Variants in SERPINF1 observed in about 807,000 individuals in gnomAD.
SERPINF1 encodes the protein serpin family F member 1.
Under a neutral mutation model 37.3 loss-of-function variants are expected in SERPINF1, and 29 were observed. That is an observed-to-expected ratio of 0.78 (90% CI 0.58 to 1.06). SERPINF1 has a LOEUF of 1.06. Among genes scored for constraint, SERPINF1 ranks in the 50% least tolerant of loss-of-function variants. The pLI is 0.00. For missense variants in SERPINF1, 553 were observed against 532.2 expected (o/e 1.04, Z -0.38); for synonymous variants, 281 against 227.9 (o/e 1.23, Z -2.10).
At chr17:1,772,627 C>T (rs1043009053) in intron 5 of SERPINF1, among the ~76,000 whole-genome samples, 2 of 150,918 alleles carry the variant, frequency 1.3e-5, no homozygotes, top group Non-Finnish European at 2.9e-5. Context: ...GGCGCGATCT[C>T]GGCTCACTGC....
At chr17:1,767,873 A>G (rs1231243487) in intron 2 of SERPINF1, among the ~76,000 whole-genome samples, 1 of 152,018 alleles carries the variant, frequency 6.6e-6, no homozygotes, top group East Asian at 1.9e-4. Flanking sequence ...CATCTACCAA[A>G]CACCTACTCG....
At position 1,771,916 on chromosome 17, in the gene SERPINF1, T is replaced by C. The variant is rs1266103725; in HGVS notation, c.484T>C (p.Tyr162His). 1.2e-6 allele frequency: 2 copies of C among 1,613,816 alleles called. No homozygotes were observed. The highest frequency in any genetic ancestry group is 1.7e-6 in the Non-Finnish European group (2 of 1,180,022). The change falls in exon 5 of 8, where the codon TAT (tyrosine) becomes CAT (histidine). Residue 162 changes from tyrosine to histidine, a missense_variant. Coordinates refer to ENST00000254722, the MANE Select transcript of SERPINF1 (RefSeq NM_002615.7). ...SSFVAPLEKS[Y>H]GTRPRVLTGN... ...CTTTGTGGCACCTCTGGAAAAGTCA[T>C]ATGGGACCAGGCCCAGAGTCCTGAC...
intron 3 of SERPINF1, among the ~76,000 whole-genome samples, 157 bp downstream of exon 3, chr17:1,770,207 CAG>C (rs1315591035): frequency 1.3e-5 from 2 of 152,192 alleles, no homozygotes; most frequent in African/African-American, 4.8e-5. Context: ...AGCAGGAGCT[CAG>C]GGGCTGCACA....
At position 1,775,185 on chromosome 17, in the gene SERPINF1, A is replaced by G; in HGVS notation, c.771A>G (p.Ser257=). The G allele has an allele frequency of 6.2e-7, 1 of 1,608,252 alleles. No individual in the cohort carries two copies. The highest frequency in any genetic ancestry group is 8.5e-7 in the Non-Finnish European group (1 of 1,176,096). Reference sequence around the variant, plus strand: ...CTGTTTTACGCTATGGCTTGGATTCAGATCTCAGCTGCAAGGTCTGTAGGG... The same window carrying G: ...CTGTTTTACGCTATGGCTTGGATTCGGATCTCAGCTGCAAGGTCTGTAGGG... ...PKAVLRYGLD[S]DLSCKIAQLP... The change falls in exon 6 of 8, where the codon TCA becomes TCG. Residue 257 remains serine, a synonymous_variant. Coordinates refer to ENST00000254722, the MANE Select transcript of SERPINF1 (RefSeq NM_002615.7).
chr17:1,769,528 G>T, intron 2 of SERPINF1: 1 of 435,798 alleles, frequency 2.3e-6, no homozygotes, highest in Non-Finnish European at 4.3e-6. Context: ...GGAGGCTAAG[G>T]CAGGAAAATC....
intron 4 of SERPINF1, 41 bp from the exon 5 acceptor site, chr17:1,771,831 G>C: frequency 6.3e-7 from 1 of 1,589,268 alleles, no homozygotes; most frequent in Non-Finnish European, 8.6e-7. Flanking sequence ...GATGCTTGTC[G>C]TCGAGTCTCA....
At chr17:1,767,825 CCCATTCTACAGGG>C (rs1255572288) in intron 2 of SERPINF1, among the ~76,000 whole-genome samples, 2 of 152,204 alleles carry the variant, frequency 1.3e-5, no homozygotes, top group Non-Finnish European at 2.9e-5. Flanking sequence ...GATAAAAACA[CCCATTCTACAGGG>C]CCATGTGGCC....
chr17:1,765,998 G>A (rs1907346144), intron 1 of SERPINF1, among the ~76,000 whole-genome samples: 1 of 152,186 alleles, frequency 6.6e-6, no homozygotes, highest in Non-Finnish European at 1.5e-5. Context: ...TGCCTTGTGA[G>A]GCCACAGAAG....
At chr17:1,770,914 C>A (rs779166851) in intron 3 of SERPINF1, 115 bp from the exon 4 acceptor site, 4 of 1,299,964 alleles carry the variant, frequency 3.1e-6, no homozygotes, top group Non-Finnish European at 4.4e-6. Context: ...GAAGATCAGC[C>A]TACTTGGGCT....
chr17:1,770,184 T>C, intron 3 of SERPINF1, 134 bp downstream of exon 3: 1 of 973,292 alleles, frequency 1.0e-6, no homozygotes, highest in Admixed American at 2.1e-5. Flanking sequence ...GGCCTGGGGG[T>C]CCCAGCTGTG....
At chr17:1,768,968 G>A (rs982120568) in intron 2 of SERPINF1, among the ~76,000 whole-genome samples, 4 of 151,340 alleles carry the variant, frequency 2.6e-5, no homozygotes, top group African/African-American at 4.9e-5. Context: ...ACCATGCCCC[G>A]TTAATTTTTT....
intron 1 of SERPINF1, among the ~76,000 whole-genome samples, chr17:1,765,871 A>G (rs999335414): frequency 0.014 from 1,660 of 119,948 alleles, 30 homozygotes; most frequent in African/African-American, 0.068. Flanking sequence ...TGTCTCCCAA[A>G]AAAAAAAAAA....
intron 7 of SERPINF1, among the ~76,000 whole-genome samples, 166 bp downstream of exon 7, chr17:1,776,908 T>C (rs1908068981): frequency 6.6e-6 from 1 of 151,320 alleles, no homozygotes; most frequent in South Asian, 2.1e-4. Flanking sequence ...AACTGCCTTC[T>C]CTCATCAGAC....
At chr17:1,774,066 C>T (rs1229884812) in intron 5 of SERPINF1, among the ~76,000 whole-genome samples, 3 of 152,182 alleles carry the variant, frequency 2.0e-5, no homozygotes, top group Non-Finnish European at 4.4e-5. Flanking sequence ...GTTACTTCAC[C>T]TCTTTGGCTT....
At chr17:1,775,368 G>C (rs887309246) in intron 6 of SERPINF1, among the ~76,000 whole-genome samples, 168 bp downstream of exon 6, 6 of 152,098 alleles carry the variant, frequency 3.9e-5, no homozygotes, top group Admixed American at 2.0e-4. Flanking sequence ...CTCCTCTTAA[G>C]ATGGGGCAGG....
At chr17:1,765,783 G>A (rs1907333900) in intron 1 of SERPINF1, among the ~76,000 whole-genome samples, 1 of 151,568 alleles carries the variant, frequency 6.6e-6, no homozygotes, top group African/African-American at 2.4e-5. Context: ...CATGAGGTCA[G>A]GAGTTCCAGG....
Position 1,777,552 on chromosome 17 carries a change from A to C in SERPINF1, c.*106A>C. ...AAGGTTTCAATGCATACAATAAAAG[A>C]GCTTTATCCCTAACTTCTGTTACTT... On this transcript the variant is annotated 3_prime_UTR_variant, in exon 8 of 8. Transcript: ENST00000254722. 1 of 1,384,314 alleles carries C rather than the reference A, an allele frequency of 7.2e-7. No homozygotes were observed. The highest frequency in any genetic ancestry group is 1.0e-6 in the Non-Finnish European group (1 of 982,206). The allele number at this position is 1,384,314 out of a possible 1,614,324, so 85.8% of individuals were successfully genotyped here.
intron 2 of SERPINF1, 149 bp from the exon 3 acceptor site, chr17:1,769,703 A>T (rs1383812478): frequency 1.2e-6 from 1 of 816,738 alleles, no homozygotes; most frequent in African/African-American, 1.7e-5. Flanking sequence ...AGTAAAACTC[A>T]TTCCCGTTTT....
chr17:1,774,094 C>G (rs1907890904), intron 5 of SERPINF1, among the ~76,000 whole-genome samples: 1 of 152,230 alleles, frequency 6.6e-6, no homozygotes, highest in Non-Finnish European at 1.5e-5. Flanking sequence ...TTTTCAGCTA[C>G]AAGAGGACTT....
Sources: gnomAD v4.1 joint callset for allele counts (sites outside exome capture counted in the v4.1 genomes callset) on GRCh38, gnomAD v4.1.1 for gene constraint, MANE v1.5 for transcripts, NCBI Gene and HGNC (gene_info 2026-07-23, HGNC 2026-07-21) for gene names.